Variants in CNBD1 observed in about 807,000 individuals in gnomAD.
The protein encoded by CNBD1 is cyclic nucleotide-binding domain-containing protein 1.
In CNBD1, 71 loss-of-function variants were observed where a neutral mutation model predicts 54.4. The observed-to-expected ratio is 1.30, with a 90% CI of 1.08 to 1.59. The LOEUF (loss-of-function observed/expected upper bound fraction) is 1.59. Among genes scored for constraint, CNBD1 ranks in the 40% most tolerant of loss-of-function variants. The pLI, the probability that CNBD1 is intolerant of heterozygous loss-of-function variation, is 0.00. For synonymous variants in CNBD1, 182 were observed against 170.7 expected, an observed-to-expected ratio of 1.07 and a Z score of -0.51; for missense variants, 659 against 518.0, an observed-to-expected ratio of 1.27 and a Z score of -2.64.
At chr8:86,904,328 C>G (rs924588062) in intron 2 of CNBD1, among the ~76,000 whole-genome samples, 1 of 151,790 alleles carries the variant, frequency 6.6e-6, no homozygotes, top group African/African-American at 2.4e-5. Flanking sequence ...AAAAATTGAC[C>G]AACTTTTCAT....
intron 4 of CNBD1, among the ~76,000 whole-genome samples, chr8:86,954,561 A>T (rs1159287690): frequency 9.1e-6 from 1 of 110,236 alleles, no homozygotes; most frequent in Non-Finnish European, 1.8e-5. Context: ...CCTCTGAACG[A>T]GATGAAAATT....
At chr8:86,952,704 T>G (rs915057371) in intron 4 of CNBD1, among the ~76,000 whole-genome samples, 11 of 152,122 alleles carry the variant, frequency 7.2e-5, no homozygotes, top group Admixed American at 4.6e-4. Context: ...TTTTGATACA[T>G]GTATAAAGGT....
intron 5 of CNBD1, among the ~76,000 whole-genome samples, chr8:87,226,943 A>G (rs1295884975): frequency 6.6e-6 from 1 of 151,708 alleles, no homozygotes; most frequent in Non-Finnish European, 1.5e-5. Context: ...GTGCATATAT[A>G]TTTAGGATAG....
At chr8:87,026,871 C>A (rs1353961136) in intron 4 of CNBD1, among the ~76,000 whole-genome samples, 1 of 152,180 alleles carries the variant, frequency 6.6e-6, no homozygotes, top group Admixed American at 6.5e-5. Context: ...AAACCAAGAT[C>A]ATTTCATTTT....
At chr8:86,957,822 T>C (rs981803885) in intron 4 of CNBD1, among the ~76,000 whole-genome samples, 1 of 152,206 alleles carries the variant, frequency 6.6e-6, no homozygotes, top group Non-Finnish European at 1.5e-5. Context: ...TTTGTGTCTC[T>C]ATCTCCTTCA....
chr8:87,150,163 C>T (rs1298881610), intron 4 of CNBD1, among the ~76,000 whole-genome samples: 1 of 151,108 alleles, frequency 6.6e-6, no homozygotes, highest in Non-Finnish European at 1.5e-5. Flanking sequence ...GGTGACAGAG[C>T]AAGACTCTGT....
At position 86,932,191 on chromosome 8, in the gene CNBD1, C is replaced by T. The variant is rs149045586; in HGVS notation, c.273-7405C>T. Among the ~76,000 whole-genome samples the T allele has an allele frequency of 6.3e-3, 960 of 152,260 alleles. 12 individuals carry two copies. Among genetic ancestry groups the T allele is most frequent in the African/African-American group, 0.021 (865 of 41,540 alleles). ...AGCATGACACCTCTCCAAGTGAGGT[C>T]GAAGGTTTGCCCTAGACCCTGTAGG... On this transcript the variant is annotated intron_variant, in intron 3 of 10. Transcript: ENST00000518476.
Position 87,353,668 on chromosome 8 carries a change from A to C in CNBD1, c.1185A>C (p.Lys395Asn). Residue 395 changes from lysine to asparagine, a missense_variant, in exon 10 of 11, where the codon AAA becomes AAC. Lys to Asn is a moderately conservative substitution (Grantham distance 94). Transcript: ENST00000518476. ...KRSQKLVYMG[K>N]LKEKESFGEI... ...CTCAAAAACTTGTTTATATGGGGAA[A>C]CTTAAGGAGAAGGAGTCCTTTGGTG... 6.2e-7 allele frequency: 1 copy of C among 1,600,412 alleles called. No homozygotes were observed. Among genetic ancestry groups the C allele is most frequent in the Non-Finnish European group, 8.5e-7 (1 of 1,174,302 alleles).
At chr8:87,308,513 C>T (rs1436593163) in intron 8 of CNBD1, among the ~76,000 whole-genome samples, 2 of 152,080 alleles carry the variant, frequency 1.3e-5, no homozygotes, top group Non-Finnish European at 2.9e-5. Flanking sequence ...TATTTTGACA[C>T]ATGCATACAA....
At chr8:86,929,974 G>T (rs1273605051) in intron 3 of CNBD1, among the ~76,000 whole-genome samples, 2 of 152,144 alleles carry the variant, frequency 1.3e-5, no homozygotes, top group African/African-American at 4.8e-5. Flanking sequence ...GAGAAGTTTT[G>T]TCCTGTGGGA....
chr8:87,405,704 C>T (rs529150827), intron 2 of CNBD1, among the ~76,000 whole-genome samples: 1 of 152,164 alleles, frequency 6.6e-6, no homozygotes, highest in South Asian at 2.1e-4. Context: ...AATTCCTTCC[C>T]TAGGATATGA....
chr8:87,007,278 T>C (rs1361600156), intron 4 of CNBD1, among the ~76,000 whole-genome samples: 1 of 152,180 alleles, frequency 6.6e-6, no homozygotes, highest in Non-Finnish European at 1.5e-5. Context: ...CTTTTCATAC[T>C]GTAGAGAATG....
chr8:87,338,460 TTTGTTGTTG>T (rs556358906), intron 8 of CNBD1, among the ~76,000 whole-genome samples: 6 of 151,972 alleles, frequency 3.9e-5, no homozygotes, highest in African/African-American at 7.2e-5. Flanking sequence ...GGTTGGTGAT[TTTGTTGTTG>T]TTGTTGTTGT....
At chr8:87,272,929 G>A (rs191443323) in intron 6 of CNBD1, among the ~76,000 whole-genome samples, 1 of 151,702 alleles carries the variant, frequency 6.6e-6, no homozygotes, top group Admixed American at 6.6e-5. Context: ...CTTCATGCTC[G>A]CTCTTCCAAA....
intron 4 of CNBD1, among the ~76,000 whole-genome samples, chr8:87,108,493 T>C (rs1278696691): frequency 6.6e-6 from 1 of 152,164 alleles, no homozygotes; most frequent in Admixed American, 6.5e-5. Flanking sequence ...ATCTGCATTG[T>C]GACATGATAT....
chr8:87,008,623 A>G (rs545661999), intron 4 of CNBD1, among the ~76,000 whole-genome samples: 10 of 152,298 alleles, frequency 6.6e-5, no homozygotes, highest in African/African-American at 2.4e-4. Flanking sequence ...TAAAAGTCTG[A>G]GAAGAAAAGC....
At chr8:87,133,383 T>C (rs1305943808) in intron 4 of CNBD1, among the ~76,000 whole-genome samples, 1 of 152,200 alleles carries the variant, frequency 6.6e-6, no homozygotes, top group African/African-American at 2.4e-5. Context: ...AACCTTTGAC[T>C]CACACTCTAA....
At position 87,398,448 on chromosome 8, in the gene CNBD1, A is replaced by G. The variant is rs962370278; in HGVS notation, c.214-30098A>G. On this transcript the variant is annotated intron_variant, in intron 2 of 7. Transcript: ENST00000521593. ...ATATGTACCAAAAAATGTAATAAAC[A>G]TTTGCTGTGTGTGTGCCTGTTTGAG... Among the ~76,000 whole-genome samples, 2 of 151,880 alleles carry G rather than the reference A, an allele frequency of 1.3e-5. 1 individual carries two copies. The highest frequency in any genetic ancestry group is 4.8e-5 in the African/African-American group (2 of 41,372).
intron 8 of CNBD1, among the ~76,000 whole-genome samples, chr8:87,312,643 GTAAT>G (rs1397630302): frequency 1.3e-5 from 2 of 151,910 alleles, no homozygotes; most frequent in African/African-American, 4.8e-5. Flanking sequence ...AGCCATATGA[GTAAT>G]TAATTTTCCA....
Sources: gnomAD v4.1 joint callset for allele counts (sites outside exome capture counted in the v4.1 genomes callset) on GRCh38, gnomAD v4.1.1 for gene constraint, MANE v1.5 for transcripts, NCBI Gene and HGNC (gene_info 2026-07-23, HGNC 2026-07-21) for gene names.